ANKMY1: variants seen among roughly 807,000 people sequenced by gnomAD.
ANKMY1 encodes the protein ankyrin repeat and MYND domain containing 1, also known as ankyrin repeat and MYND domain-containing protein 1.
A neutral mutation model predicts 102.0 loss-of-function variants in ANKMY1; 98 were observed. The ratio of observed to expected loss-of-function variants is 0.96; its 90% CI spans 0.82 to 1.14. The LOEUF (loss-of-function observed/expected upper bound fraction) is 1.14, where lower values mean the gene tolerates loss of function less well. Among genes scored for constraint, ANKMY1 ranks in the 50% most tolerant of loss-of-function variants. The pLI is 0.00. For missense variants in ANKMY1, 1,330 were observed against 1,347.6 expected (o/e 0.99, Z 0.20); for synonymous variants, 582 against 559.9 (o/e 1.04, Z -0.56).
At position 240,557,411 on chromosome 2, in the gene ANKMY1, G is replaced by A. The variant is rs2092482463; in HGVS notation, c.-17-59C>T. 5 of 1,405,400 alleles carry A rather than the reference G, an allele frequency of 3.6e-6. No homozygotes were observed. The South Asian group carries it at 6.5e-5, about 18-fold the overall frequency. The allele number at this position is 1,405,400 out of a possible 1,614,324, so 87.1% of individuals were successfully genotyped here. On this transcript the variant is annotated intron_variant, in intron 1 of 17. Coordinates refer to ENST00000401804, the MANE Select transcript of ANKMY1 (RefSeq NM_001282771.3). ...CAGGGCTCCCGCCGCGAACTCAGAGGGCGCCCGAGGCCCGGCCCGCGGCCC... is the reference window on the plus strand; with the variant it reads ...CAGGGCTCCCGCCGCGAACTCAGAGAGCGCCCGAGGCCCGGCCCGCGGCCC...
chr2:240,470,030 T>C, the ANKMY1 span, among the ~76,000 whole-genome samples: 1 of 152,224 alleles, frequency 6.6e-6, no homozygotes, highest in South Asian at 2.1e-4. Context: ...ATTACATACA[T>C]GCACAGTATA....
intron 12 of ANKMY1, 28 bp downstream of exon 12, chr2:240,509,320 C>T (rs372633587): frequency 2.5e-6 from 4 of 1,576,402 alleles, no homozygotes; most frequent in Admixed American, 1.7e-5. Flanking sequence ...CATAGGTGCA[C>T]AGGTCTGTGG....
At chr2:240,484,940 A>G (rs1286443658) in intron 15 of ANKMY1, among the ~76,000 whole-genome samples, 2 of 152,238 alleles carry the variant, frequency 1.3e-5, no homozygotes, top group African/African-American at 2.4e-5. Context: ...GCCAACAAAC[A>G]TGAAAAAAAG....
the ANKMY1 span, among the ~76,000 whole-genome samples, chr2:240,473,634 C>T: frequency 4.3e-4 from 65 of 152,078 alleles, no homozygotes; most frequent in Admixed American, 7.2e-4. Context: ...GAAACAAAGG[C>T]GGAAAACTTT....
At chr2:240,558,063 G>T, upstream of ANKMY1, 1 of 852,800 alleles carries the variant, frequency 1.2e-6, no homozygotes, top group Non-Finnish European at 1.4e-6. Context: ...CAATCCCCCC[G>T]CCAGGACGCA....
the ANKMY1 span, among the ~76,000 whole-genome samples, chr2:240,468,785 CAG>C: frequency 1.3e-5 from 2 of 152,190 alleles, no homozygotes; most frequent in South Asian, 4.1e-4. Flanking sequence ...CGTGAGAGCA[CAG>C]AGGGGTGGGT....
chr2:240,521,619 C>T (rs2082296798), intron 8 of ANKMY1, among the ~76,000 whole-genome samples: 1 of 151,340 alleles, frequency 6.6e-6, no homozygotes, highest in Non-Finnish European at 1.5e-5. Context: ...CTGCCTCAGC[C>T]TCCCAAGTAG....
chr2:240,534,419 C>G (rs2086218167), intron 4 of ANKMY1, among the ~76,000 whole-genome samples: 1 of 152,074 alleles, frequency 6.6e-6, no homozygotes, highest in South Asian at 2.1e-4. Flanking sequence ...CCAGCCTGGG[C>G]AACATAGTGA....
At chr2:240,530,608 A>G (rs1389813999) in intron 4 of ANKMY1, among the ~76,000 whole-genome samples, 1 of 152,136 alleles carries the variant, frequency 6.6e-6, no homozygotes, top group African/African-American at 2.4e-5. Flanking sequence ...TTCTTTATAA[A>G]TTACCCAGCC....
intron 11 of ANKMY1, among the ~76,000 whole-genome samples, chr2:240,510,589 C>T (rs2079985118): frequency 6.6e-6 from 1 of 152,120 alleles, no homozygotes; most frequent in Non-Finnish European, 1.5e-5. Context: ...TGCGGCAGAC[C>T]CTGTGTCTGG....
intron 4 of ANKMY1, among the ~76,000 whole-genome samples, chr2:240,541,263 C>T (rs2088699124): frequency 6.6e-6 from 1 of 152,138 alleles, no homozygotes; most frequent in South Asian, 2.1e-4. Context: ...TGACCAAGCC[C>T]AATCCATGAA....
intron 4 of ANKMY1, among the ~76,000 whole-genome samples, chr2:240,539,102 A>C (rs763807428): frequency 6.6e-6 from 1 of 152,244 alleles, no homozygotes; most frequent in Non-Finnish European, 1.5e-5. Context: ...TGAGGCAGCC[A>C]GTGGCAACCC....
intron 5 of ANKMY1, chr2:240,526,929 C>T: frequency 9.3e-7 from 1 of 1,076,236 alleles, no homozygotes; most frequent in Non-Finnish European, 1.1e-6. Context: ...GGTGTGTACA[C>T]AACCCCTTTT....
intron 13 of ANKMY1, among the ~76,000 whole-genome samples, chr2:240,505,377 G>A (rs2078899267): frequency 6.6e-6 from 1 of 151,488 alleles, no homozygotes; most frequent in Non-Finnish European, 1.5e-5. Flanking sequence ...CAGGAGGATT[G>A]CTTGAACCTG....
intron 3 of ANKMY1, 75 bp from the exon 4 acceptor site, chr2:240,553,132 C>T: frequency 3.2e-6 from 5 of 1,540,724 alleles, no homozygotes; most frequent in Non-Finnish European, 4.4e-6. Context: ...GCTGAGCCAC[C>T]ATGCCTGGTT....
At chr2:240,549,319 A>G (rs1272785351) in intron 4 of ANKMY1, among the ~76,000 whole-genome samples, 1 of 149,778 alleles carries the variant, frequency 6.7e-6, no homozygotes, top group African/African-American at 2.4e-5. Flanking sequence ...CATATGTAGA[A>G]AGCTGAAACT....
intron 9 of ANKMY1, chr2:240,519,867 G>A: frequency 4.0e-6 from 1 of 250,400 alleles, no homozygotes; most frequent in Non-Finnish European, 8.4e-6. Context: ...GCTGGGAAAG[G>A]CACTTCTTAA....
chr2:240,542,708 ATATGTT>A, intron 4 of ANKMY1, among the ~76,000 whole-genome samples: 2 of 111,240 alleles, frequency 1.8e-5, no homozygotes, highest in Admixed American at 2.0e-4. Context: ...ACATGTCTAG[ATATGTT>A]TATATCTATA....
At chr2:240,525,538 C>G in intron 7 of ANKMY1, 147 bp downstream of exon 7, 1 of 1,029,018 alleles carries the variant, frequency 9.7e-7, no homozygotes, top group Non-Finnish European at 1.4e-6. Flanking sequence ...GATGCCCAGG[C>G]TCTGTCTCTC....
Sources: allele counts gnomAD v4.1 joint callset (sites outside exome capture counted in the v4.1 genomes callset), GRCh38; gene constraint gnomAD v4.1.1; transcripts MANE v1.5; gene names NCBI Gene and HGNC (gene_info 2026-07-23, HGNC 2026-07-21).